SGCZ: variants seen among roughly 807,000 people sequenced by gnomAD.
SGCZ encodes the protein zeta-sarcoglycan.
In SGCZ, 40 loss-of-function variants were observed where a neutral mutation model predicts 41.3. The ratio of observed to expected loss-of-function variants is 0.97; its 90% CI spans 0.75 to 1.26. SGCZ has a LOEUF of 1.26. Ranked by LOEUF, SGCZ falls within the 50% of genes most tolerant of loss-of-function variation. The pLI is 0.00. For synonymous variants in SGCZ, 206 were observed against 137.5 expected, an observed-to-expected ratio of 1.50 and a Z score of -3.49; for missense variants, 552 against 369.8, an observed-to-expected ratio of 1.49 and a Z score of -4.04.
rs141768252 is a variant in SGCZ at position 15,018,059 on chromosome 8, C to T, written c.39+219526G>A. ...GTCAAAGCTGTATGCAAAAGAATTC[C>T]ATTTAAGACACTGGTACTGAAATAA... On this transcript the variant is annotated intron_variant, in intron 1 of 7. Coordinates refer to ENST00000382080, the MANE Select transcript of SGCZ (RefSeq NM_139167.4). Among the ~76,000 whole-genome samples, 8 of 152,246 alleles carry T rather than the reference C, an allele frequency of 5.3e-5. No homozygotes were observed. The East Asian group carries it at 1.5e-3, about 29-fold the overall frequency.
intron 2 of SGCZ, among the ~76,000 whole-genome samples, chr8:14,554,309 TA>T (rs2117189779): frequency 6.6e-6 from 1 of 152,130 alleles, no homozygotes; most frequent in East Asian, 1.9e-4. Context: ...GATATAGAGA[TA>T]TATAAAGGTA....
At chr8:14,782,691 A>AT (rs1800628000) in intron 1 of SGCZ, among the ~76,000 whole-genome samples, 1 of 152,192 alleles carries the variant, frequency 6.6e-6, no homozygotes, top group African/African-American at 2.4e-5. Flanking sequence ...TAGAAAAAAA[A>AT]TTATTAGCAG....
intron 2 of SGCZ, among the ~76,000 whole-genome samples, chr8:14,523,754 C>T (rs1225453758): frequency 2.0e-5 from 3 of 152,008 alleles, no homozygotes; most frequent in Non-Finnish European, 2.9e-5. Flanking sequence ...TTTTCAGCCA[C>T]TCTTTCTTCC....
rs1367993829 is a variant in SGCZ at position 14,171,108 on chromosome 8, C to T, written c.425-6406G>A. ...GAAAATATTTTACTAAAATGTTTTG[C>T]ATTGCATCTTGTTACTTTTTATTTC... is the stretch of plus-strand genomic sequence containing the variant. On this transcript the variant is annotated intron_variant, in intron 4 of 7. Coordinates refer to ENST00000382080, the MANE Select transcript of SGCZ (RefSeq NM_139167.4). 2.0e-5 allele frequency among the ~76,000 whole-genome samples: 3 copies of T among 147,326 alleles called. No individual in the cohort carries two copies. The East Asian group carries it at 6.0e-4, about 29-fold the overall frequency.
chr8:15,156,268 C>T (rs577748841), intron 1 of SGCZ, among the ~76,000 whole-genome samples: 16 of 152,042 alleles, frequency 1.1e-4, no homozygotes, highest in Non-Finnish European at 2.2e-4. Flanking sequence ...CTTATTTCTG[C>T]ATAGGGGCTT....
intron 1 of SGCZ, among the ~76,000 whole-genome samples, chr8:14,994,040 G>A (rs1234897442): frequency 6.6e-6 from 1 of 152,230 alleles, no homozygotes; most frequent in Non-Finnish European, 1.5e-5. Flanking sequence ...TGCGAGTCAT[G>A]GCTGTGGAGG....
At chr8:14,446,936 T>C (rs925225683) in intron 2 of SGCZ, among the ~76,000 whole-genome samples, 1 of 152,174 alleles carries the variant, frequency 6.6e-6, no homozygotes. Context: ...TCAACACTAG[T>C]TTCAATATAT....
intron 1 of SGCZ, among the ~76,000 whole-genome samples, chr8:14,814,008 G>T (rs546461309): frequency 3.3e-5 from 5 of 152,030 alleles, no homozygotes; most frequent in African/African-American, 1.2e-4. Flanking sequence ...TGCTACAAAA[G>T]ATAACTAAAT....
At chr8:14,146,336 G>T (rs950823678) in intron 5 of SGCZ, among the ~76,000 whole-genome samples, 1 of 152,132 alleles carries the variant, frequency 6.6e-6, no homozygotes, top group Non-Finnish European at 1.5e-5. Context: ...AGCATATTTA[G>T]CAGAAATATC....
At chr8:14,403,752 C>T (rs188981971) in intron 2 of SGCZ, among the ~76,000 whole-genome samples, 3 of 152,138 alleles carry the variant, frequency 2.0e-5, no homozygotes, top group Middle Eastern at 3.4e-3. Context: ...TAGGTCTGTG[C>T]CTTACTGAAG....
rs552424102 is a variant in SGCZ, at chr8:14,265,927, C to T, written c.337-28248G>A. ...CAGGGAGAGGAGATTTGAAAACACA[C>T]AGTCAGAAAAAAAGAATGAAAAGGA... is the stretch of plus-strand genomic sequence containing the variant. On this transcript the variant is annotated intron_variant, in intron 3 of 7. Transcript: ENST00000382080. Among the ~76,000 whole-genome samples the T allele has an allele frequency of 2.6e-5, 4 of 151,604 alleles. No individual in the cohort carries two copies. The South Asian group carries it at 8.3e-4, about 32-fold the overall frequency.
intron 1 of SGCZ, among the ~76,000 whole-genome samples, chr8:15,001,607 T>G (rs1009210591): frequency 6.6e-6 from 1 of 151,244 alleles, no homozygotes; most frequent in Non-Finnish European, 1.5e-5. Context: ...TGGGCACCTG[T>G]AATTCCAGCT....
chr8:14,874,469 G>T (rs1488623231), intron 1 of SGCZ, among the ~76,000 whole-genome samples: 1 of 151,992 alleles, frequency 6.6e-6, no homozygotes, highest in African/African-American at 2.4e-5. Flanking sequence ...GATGGGAGAT[G>T]AAATTATTCT....
intron 2 of SGCZ, among the ~76,000 whole-genome samples, chr8:14,445,081 C>T (rs566975207): frequency 3.3e-5 from 5 of 152,286 alleles, no homozygotes; most frequent in African/African-American, 1.2e-4. Flanking sequence ...AAGACAGTTG[C>T]TCAGTGGTGA....
chr8:15,047,169 T>A (rs1804337195), intron 1 of SGCZ, among the ~76,000 whole-genome samples: 2 of 152,054 alleles, frequency 1.3e-5, no homozygotes, highest in Admixed American at 1.3e-4. Flanking sequence ...CCATACATAG[T>A]AATGGACTAA....
rs138240068 is a variant in SGCZ at position 15,078,726 on chromosome 8, A to AATAT, written c.39+158855_39+158858dup. On this transcript the variant is annotated intron_variant, in intron 1 of 7. Coordinates refer to ENST00000382080, the MANE Select transcript of SGCZ (RefSeq NM_139167.4). ...GCATGTGTGTGTATATATATACACA[A>AATAT]ATATATATATACACACATACATATA... 3.5e-3 allele frequency among the ~76,000 whole-genome samples: 537 copies of AATAT among 151,760 alleles called. 3 individuals are homozygous for AATAT. The highest frequency in any genetic ancestry group is 0.013 in the African/African-American group (518 of 41,312).
chr8:14,283,890 G>C (rs957853864), intron 3 of SGCZ, among the ~76,000 whole-genome samples: 10 of 152,120 alleles, frequency 6.6e-5, no homozygotes, highest in African/African-American at 1.2e-4. Context: ...AATTTCAATT[G>C]ACCTAAGAAA....
chr8:14,713,286 G>A (rs878944004), intron 1 of SGCZ, among the ~76,000 whole-genome samples: 3 of 152,092 alleles, frequency 2.0e-5, no homozygotes, highest in Admixed American at 2.0e-4. Flanking sequence ...ACATTGCAGA[G>A]TAACTTACAT....
intron 1 of SGCZ, among the ~76,000 whole-genome samples, chr8:14,816,034 T>G (rs558322789): frequency 3.3e-5 from 5 of 152,252 alleles, no homozygotes; most frequent in Non-Finnish European, 5.9e-5. Context: ...CCAGTGAAAT[T>G]AATTTTAACA....
Sources: allele counts gnomAD v4.1 joint callset (sites outside exome capture counted in the v4.1 genomes callset), GRCh38; gene constraint gnomAD v4.1.1; transcripts MANE v1.5; gene names NCBI Gene and HGNC (gene_info 2026-07-23, HGNC 2026-07-21).